The following KIF1B variants were observed in gnomAD, a reference collection of about 807,000 sequenced individuals.
KIF1B encodes the protein kinesin-like protein KIF1B.
KIF1B carries 76 observed loss-of-function variants against 241.9 expected under a neutral mutation model. That is an observed-to-expected ratio of 0.31 (90% CI 0.26 to 0.38). The LOEUF (loss-of-function observed/expected upper bound fraction) is 0.38, where lower values mean the gene tolerates loss of function less well. Ranked by LOEUF, KIF1B falls within the 10% of genes least tolerant of loss-of-function variation. KIF1B has a pLI of 1.00. For missense variants in KIF1B, 1,622 were observed against 2,271.4 expected, an observed-to-expected ratio of 0.71 and a Z score of 5.81; for synonymous variants, 750 against 796.7, an observed-to-expected ratio of 0.94 and a Z score of 0.99.
intron 2 of KIF1B, among the ~76,000 whole-genome samples, chr1:10,250,307 G>A (rs957569152): frequency 1.3e-5 from 2 of 151,400 alleles, no homozygotes; most frequent in South Asian, 2.1e-4. Flanking sequence ...CATACCCAAG[G>A]TCGTAAAAAA....
At chr1:10,255,893 C>T (rs543798720) in intron 2 of KIF1B, among the ~76,000 whole-genome samples, 44 of 152,044 alleles carry the variant, frequency 2.9e-4, no homozygotes, top group African/African-American at 8.9e-4. Context: ...AGGCTCAAGC[C>T]ATCCTCCGAC....
At chr1:10,236,431 A>T (rs1018349488) in intron 2 of KIF1B, among the ~76,000 whole-genome samples, 26 of 152,232 alleles carry the variant, frequency 1.7e-4, no homozygotes, top group Non-Finnish European at 1.5e-5. Flanking sequence ...GTTTCCCTGC[A>T]TGTACAATTT....
chr1:10,361,904 T>G, intron 40 of KIF1B, 79 bp downstream of exon 40: 1 of 1,527,184 alleles, frequency 6.5e-7, no homozygotes, highest in Non-Finnish European at 9.0e-7. Context: ...ATTCTCGGCT[T>G]ACTGTCTCAC....
chr1:10,295,863 T>C, intron 19 of KIF1B, 97 bp downstream of exon 19: 2 of 1,021,084 alleles, frequency 2.0e-6, no homozygotes, highest in Non-Finnish European at 1.5e-6. Flanking sequence ...AGTAGTACTT[T>C]CTTATACAAT....
At chr1:10,355,721 T>A (rs1415391228) in intron 38 of KIF1B, among the ~76,000 whole-genome samples, 1 of 150,960 alleles carries the variant, frequency 6.6e-6, no homozygotes, top group Non-Finnish European at 1.5e-5. Flanking sequence ...TGTTTTCCTC[T>A]TTATCTGTCT....
intron 2 of KIF1B, among the ~76,000 whole-genome samples, chr1:10,254,936 CT>C (rs1647691192): frequency 7.1e-6 from 1 of 139,892 alleles, no homozygotes; most frequent in African/African-American, 2.6e-5. Flanking sequence ...CATTCAATAA[CT>C]TTCTAATTTT....
intron 2 of KIF1B, among the ~76,000 whole-genome samples, chr1:10,233,168 G>C (rs544902778): frequency 6.6e-6 from 1 of 152,286 alleles, no homozygotes; most frequent in South Asian, 2.1e-4. Flanking sequence ...GTTCTGTGTA[G>C]AGGAGTCTAC....
At chr1:10,363,999 T>C (rs765733407) in intron 41 of KIF1B, among the ~76,000 whole-genome samples, 3 of 152,098 alleles carry the variant, frequency 2.0e-5, no homozygotes, top group Non-Finnish European at 2.9e-5. Context: ...ACTATCCAGA[T>C]AGTTTCTTGA....
intron 5 of KIF1B, among the ~76,000 whole-genome samples, chr1:10,265,854 A>AT (rs56768082): frequency 0.031 from 4,711 of 152,212 alleles, 239 homozygotes; most frequent in African/African-American, 0.11. Flanking sequence ...AGTCTCAAAA[A>AT]ATATATAAAA....
At chr1:10,308,013 C>T (rs1650911030) in intron 22 of KIF1B, 1 of 1,057,136 alleles carries the variant, frequency 9.5e-7, no homozygotes, top group Non-Finnish European at 1.1e-6. Flanking sequence ...GCTTTAGGTG[C>T]AGGTTGACAC....
Position 10,376,622 on chromosome 1 carries a change from AGATAAAGAAAGC to A in KIF1B, c.*37_*48del, listed in dbSNP as rs1638896639. The A allele has an allele frequency of 6.3e-7, 1 of 1,595,204 alleles. No individual in the cohort carries two copies. The highest frequency in any genetic ancestry group is 8.6e-7 in the Non-Finnish European group (1 of 1,162,948). On this transcript the variant is annotated 3_prime_UTR_variant, in exon 49 of 49. Transcript: ENST00000676179. ...CCGAGTGCCCTCACTCGCCTTCGAG[AGATAAAGAAAGC>A]GTTACCTCTCATTTCTCTTTGTGAT...
At position 10,265,200 on chromosome 1, in the gene KIF1B, TTTTATTTATTTATTTATTTATTTA is replaced by T. The variant is rs148747154; in HGVS notation, c.430-2152_430-2129del. 1.1e-3 allele frequency among the ~76,000 whole-genome samples: 150 copies of T among 138,502 alleles called. 1 individual carries two copies. The highest frequency in any genetic ancestry group is 3.6e-3 in the African/African-American group (132 of 36,226). 90.9% of individuals were successfully genotyped at this position (138,502 alleles called of 152,430 possible). A position where few individuals can be genotyped will look rare whatever the true frequency, so the allele number is the denominator to read the frequency against. On this transcript the variant is annotated intron_variant, in intron 5 of 48. Transcript: ENST00000676179. ...CAAGTTCTTAATTTTTTAAAATGGA[TTTTATTTATTTATTTATTTATTTA>T]TTTATTTATTTATTTATTTATTTAT...
At chr1:10,310,523 C>T (rs1050179383) in intron 22 of KIF1B, among the ~76,000 whole-genome samples, 1 of 151,610 alleles carries the variant, frequency 6.6e-6, no homozygotes, top group Non-Finnish European at 1.5e-5. Flanking sequence ...CAAGGGTGGC[C>T]GTGTTCCAGT....
At position 10,258,820 on chromosome 1, in the gene KIF1B, A is replaced by C. The variant is rs1375045643; in HGVS notation, c.363+148A>C. ...TGAACAACCCATTATTTTCCCTCAGAGGAGCTCACAATTGAATGGGAAGGA... is the reference window on the plus strand; with the variant it reads ...TGAACAACCCATTATTTTCCCTCAGCGGAGCTCACAATTGAATGGGAAGGA... On this transcript the variant is annotated intron_variant, in intron 4 of 48. Coordinates refer to ENST00000676179, the MANE Select transcript of KIF1B (RefSeq NM_001365951.3). 3 of 789,050 alleles carry C rather than the reference A, an allele frequency of 3.8e-6. No individual in the cohort carries two copies. The Admixed American group carries it at 6.3e-5, about 17-fold the overall frequency. 48.9% of individuals were successfully genotyped at this position (789,050 alleles called of 1,614,324 possible).
chr1:10,331,882 G>A (rs78251022), intron 27 of KIF1B, among the ~76,000 whole-genome samples: 4,406 of 152,242 alleles, frequency 0.029, 67 homozygotes, highest in African/African-American at 0.039. Context: ...TAAAAAAGTA[G>A]TAGCTACACA....
chr1:10,216,051 C>A (rs940368895), intron 1 of KIF1B, among the ~76,000 whole-genome samples: 2 of 152,220 alleles, frequency 1.3e-5, no homozygotes, highest in South Asian at 4.1e-4. Flanking sequence ...CTAATTTAAC[C>A]CTAATAGCAG....
At chr1:10,239,630 C>T (rs959166193) in intron 2 of KIF1B, among the ~76,000 whole-genome samples, 5 of 151,812 alleles carry the variant, frequency 3.3e-5, no homozygotes, top group South Asian at 2.1e-4. Context: ...TTTTTTGAGA[C>T]GGAGTCTTGC....
intron 4 of KIF1B, among the ~76,000 whole-genome samples, chr1:10,260,334 G>T (rs1648059399): frequency 6.6e-6 from 1 of 152,170 alleles, no homozygotes; most frequent in African/African-American, 2.4e-5. Context: ...AGCTTGCAGG[G>T]CTGGAAGTTG....
Position 10,365,021 on chromosome 1 carries a change from A to G in KIF1B, c.4367-79A>G. ...ACTCCATCTCAAAAAAAAAAAAAAA[A>G]GAATTATTAATTCGTTTTGACCTAA... is the stretch of plus-strand genomic sequence containing the variant. On this transcript the variant is annotated intron_variant, in intron 41 of 48. Coordinates refer to ENST00000676179, the MANE Select transcript of KIF1B (RefSeq NM_001365951.3). The surrounding 1 kb of genome is among the most constrained non-coding windows in gnomAD (Gnocchi z 4.0). 7.8e-7 allele frequency: 1 copy of G among 1,276,118 alleles called. No homozygotes were observed. The highest frequency in any genetic ancestry group is 1.3e-5 in the South Asian group (1 of 75,562). The allele number at this position is 1,276,118 out of a possible 1,614,324, so 79.0% of individuals were successfully genotyped here. A position where few individuals can be genotyped will look rare whatever the true frequency, so the allele number is the denominator to read the frequency against.
Sources: allele counts gnomAD v4.1 joint callset (sites outside exome capture counted in the v4.1 genomes callset), GRCh38; gene constraint gnomAD v4.1.1; non-coding constraint Gnocchi (gnomAD v3.1); transcripts MANE v1.5; gene names NCBI Gene and HGNC (gene_info 2026-07-23, HGNC 2026-07-21).